The following RANBP17 variants were observed in gnomAD, a reference collection of about 807,000 sequenced individuals.
The protein encoded by RANBP17 is ran-binding protein 17.
RANBP17 carries 158 observed loss-of-function variants against 141.2 expected under a neutral mutation model. The observed-to-expected ratio is 1.12, with a 90% CI of 0.98 to 1.28. RANBP17 has a LOEUF of 1.28. Among genes scored for constraint, RANBP17 ranks in the 50% most tolerant of loss-of-function variants. RANBP17 has a pLI of 0.00. For missense variants in RANBP17, 1,438 were observed against 1,290.7 expected, an observed-to-expected ratio of 1.11 and a Z score of -1.75; for synonymous variants, 430 against 450.0, an observed-to-expected ratio of 0.96 and a Z score of 0.56.
At chr5:170,955,678 A>ATATATATATATATATG (rs1775630972) in intron 13 of RANBP17, among the ~76,000 whole-genome samples, 1 of 79,566 alleles carries the variant, frequency 1.3e-5, no homozygotes, top group African/African-American at 4.7e-5. Flanking sequence ...ATATATATAT[A>ATATATATATATATATG]TATACACTGA....
chr5:170,893,657 G>A (rs1769846459), intron 4 of RANBP17, among the ~76,000 whole-genome samples: 1 of 152,060 alleles, frequency 6.6e-6, no homozygotes, highest in Non-Finnish European at 1.5e-5. Flanking sequence ...GCTGGGCGTG[G>A]TGGCGGGCGC....
At chr5:171,230,037 C>T (rs1001676109) in intron 22 of RANBP17, among the ~76,000 whole-genome samples, 5 of 151,970 alleles carry the variant, frequency 3.3e-5, no homozygotes, top group African/African-American at 4.8e-5. Context: ...TGCACTCCAG[C>T]CTGGGCAACA....
At chr5:171,264,905 A>C (rs548251439) in intron 24 of RANBP17, among the ~76,000 whole-genome samples, 1 of 152,276 alleles carries the variant, frequency 6.6e-6, no homozygotes, top group South Asian at 2.1e-4. Context: ...TTGAAACCCT[A>C]TCAGGTGCTG....
intron 14 of RANBP17, among the ~76,000 whole-genome samples, chr5:171,015,539 A>G (rs913643971): frequency 6.6e-6 from 1 of 152,138 alleles, no homozygotes; most frequent in Admixed American, 6.6e-5. Flanking sequence ...CTTTTTGAAC[A>G]TATGAAATAC....
chr5:171,023,303 TA>T (rs1561997761), intron 14 of RANBP17, among the ~76,000 whole-genome samples: 3 of 152,256 alleles, frequency 2.0e-5, no homozygotes, highest in Non-Finnish European at 4.4e-5. Flanking sequence ...AAGACTTTTA[TA>T]ACTTTTATAT....
intron 14 of RANBP17, among the ~76,000 whole-genome samples, chr5:171,082,720 A>G (rs1369106802): frequency 6.6e-6 from 1 of 152,152 alleles, no homozygotes; most frequent in Non-Finnish European, 1.5e-5. Flanking sequence ...TGTGGGAATT[A>G]TTTTAGTTAA....
chr5:170,946,115 T>C (rs1448029677), intron 12 of RANBP17, among the ~76,000 whole-genome samples: 3 of 152,142 alleles, frequency 2.0e-5, no homozygotes, highest in Non-Finnish European at 4.4e-5. Context: ...TCTGCACTTT[T>C]AAATAGGGAC....
intron 1 of RANBP17, among the ~76,000 whole-genome samples, chr5:170,865,685 G>A (rs765456358): frequency 1.1e-4 from 16 of 152,160 alleles, no homozygotes; most frequent in Non-Finnish European, 1.9e-4. Context: ...CCTGGAATTA[G>A]CCATACTGAG....
At chr5:171,058,016 G>A (rs1783524560) in intron 14 of RANBP17, among the ~76,000 whole-genome samples, 1 of 151,750 alleles carries the variant, frequency 6.6e-6, no homozygotes. Context: ...ATTCATACAG[G>A]GATTTCTAGC....
intron 24 of RANBP17, among the ~76,000 whole-genome samples, chr5:171,255,690 G>C (rs1765837869): frequency 1.3e-5 from 2 of 152,102 alleles, no homozygotes; most frequent in African/African-American, 2.4e-5. Flanking sequence ...AGGGTTGGGG[G>C]AGAAAATACA....
rs117449623 is a variant in RANBP17 at position 170,904,940 on chromosome 5, A to G, written c.490-4721A>G. On this transcript the variant is annotated intron_variant, in intron 5 of 27. Transcript: ENST00000523189. Reference sequence around the variant, plus strand: ...GGGATAGGTTTTATTCCAACCGTTAAGGAGGTTTTGTTTCTTCTTTAGATA... The same window carrying G: ...GGGATAGGTTTTATTCCAACCGTTAGGGAGGTTTTGTTTCTTCTTTAGATA... Among the ~76,000 whole-genome samples, 36 of 152,312 alleles carry G rather than the reference A, an allele frequency of 2.4e-4. 1 individual carries two copies. In the East Asian group the frequency reaches 6.7e-3, roughly 29 times the overall value.
chr5:170,872,036 T>C (rs1488554960), intron 1 of RANBP17, among the ~76,000 whole-genome samples: 1 of 152,184 alleles, frequency 6.6e-6, no homozygotes, highest in Non-Finnish European at 1.5e-5. Flanking sequence ...TTTAAGGTAG[T>C]TTTTTCTAAT....
chr5:170,951,809 G>C (rs144408177), intron 12 of RANBP17, among the ~76,000 whole-genome samples: 1 of 152,014 alleles, frequency 6.6e-6, no homozygotes, highest in Non-Finnish European at 1.5e-5. Context: ...TTATGGAGTT[G>C]TGAGATTCAT....
At chr5:171,025,703 A>G (rs914160511) in intron 14 of RANBP17, among the ~76,000 whole-genome samples, 2 of 151,942 alleles carry the variant, frequency 1.3e-5, no homozygotes, top group South Asian at 2.1e-4. Context: ...AAGCCTCCCA[A>G]GTAGCTGGGA....
intron 14 of RANBP17, among the ~76,000 whole-genome samples, chr5:171,125,872 C>A (rs1011279816): frequency 6.6e-6 from 1 of 151,604 alleles, no homozygotes; most frequent in African/African-American, 2.4e-5. Flanking sequence ...CTCAGTGCAA[C>A]CTCTGCCTCC....
chr5:170,918,009 G>T (rs1431630886), intron 9 of RANBP17, among the ~76,000 whole-genome samples: 2 of 152,054 alleles, frequency 1.3e-5, no homozygotes. Context: ...TTTGAATTCT[G>T]TTTCATCCCA....
chr5:170,866,662 G>A (rs1390198584), intron 1 of RANBP17, among the ~76,000 whole-genome samples: 4 of 150,422 alleles, frequency 2.7e-5, no homozygotes, highest in African/African-American at 7.4e-5. Flanking sequence ...GCAACAGAGC[G>A]AGACTCCATC....
intron 14 of RANBP17, among the ~76,000 whole-genome samples, chr5:170,986,086 T>C (rs1217833693): frequency 1.3e-5 from 2 of 152,138 alleles, no homozygotes; most frequent in Non-Finnish European, 2.9e-5. Context: ...CAGCTCACGC[T>C]TGTTGTCTTG....
At chr5:171,135,871 C>T (rs1757241646) in intron 14 of RANBP17, among the ~76,000 whole-genome samples, 1 of 152,162 alleles carries the variant, frequency 6.6e-6, no homozygotes, top group South Asian at 2.1e-4. Context: ...CAAGGAACCT[C>T]ACCAAACTAC....
Sources: allele counts gnomAD v4.1 joint callset (sites outside exome capture counted in the v4.1 genomes callset), GRCh38; gene constraint gnomAD v4.1.1; transcripts MANE v1.5; gene names NCBI Gene and HGNC (gene_info 2026-07-23, HGNC 2026-07-21).